The following ISX variants were observed in gnomAD, a reference collection of about 807,000 sequenced individuals.
ISX encodes the protein intestine specific homeobox, also known as intestine-specific homeobox.
Under a neutral mutation model 16.9 loss-of-function variants are expected in ISX, and 15 were observed. That is an observed-to-expected ratio of 0.89 (90% CI 0.59 to 1.36). ISX has a LOEUF of 1.36. Ranked by LOEUF, ISX falls within the 40% of genes most tolerant of loss-of-function variation. The pLI, the probability that ISX is intolerant of heterozygous loss-of-function variation, is 0.00. For missense variants in ISX, 316 were observed against 306.1 expected (o/e 1.03, Z -0.24); for synonymous variants, 125 against 119.7 (o/e 1.04, Z -0.29).
intron 2 of ISX, among the ~76,000 whole-genome samples, chr22:35,075,306 G>A (rs1181921032): frequency 2.0e-5 from 3 of 152,222 alleles, no homozygotes; most frequent in Admixed American, 1.3e-4. Flanking sequence ...AATTCATGGA[G>A]CATAGTCACA....
chr22:35,068,810 A>G (rs1343253810), intron 2 of ISX, among the ~76,000 whole-genome samples: 1 of 152,190 alleles, frequency 6.6e-6, no homozygotes, highest in Non-Finnish European at 1.5e-5. Flanking sequence ...TATTCCTTCC[A>G]CAGCACTTTT....
chr22:35,074,083 A>G (rs1928921436), intron 2 of ISX, among the ~76,000 whole-genome samples: 1 of 152,250 alleles, frequency 6.6e-6, no homozygotes. Context: ...CAATAATGTC[A>G]TCAAGTCTCT....
intron 2 of ISX, among the ~76,000 whole-genome samples, chr22:35,068,700 G>A (rs994502440): frequency 1.3e-5 from 2 of 152,110 alleles, no homozygotes; most frequent in African/African-American, 2.4e-5. Context: ...AGGCCTCCAC[G>A]GAAGATTCTG....
At chr22:35,084,867 G>A (rs1234288557) in intron 4 of ISX, among the ~76,000 whole-genome samples, 1 of 152,126 alleles carries the variant, frequency 6.6e-6, no homozygotes, top group Non-Finnish European at 1.5e-5. Context: ...CTGAGGAGTG[G>A]CTTGGAAGAG....
At chr22:35,085,011 T>C (rs930663971) in intron 4 of ISX, among the ~76,000 whole-genome samples, 25 of 152,158 alleles carry the variant, frequency 1.6e-4, no homozygotes, top group African/African-American at 6.0e-4. Context: ...CACGTATTTT[T>C]GAGTGGGCAC....
intron 4 of ISX, among the ~76,000 whole-genome samples, chr22:35,085,219 A>G (rs930954377): frequency 2.0e-5 from 3 of 152,168 alleles, no homozygotes; most frequent in African/African-American, 7.2e-5. Context: ...CCAGGACTCA[A>G]GCCAGGTTTT....
At chr22:35,070,794 A>G (rs997850039) in intron 2 of ISX, among the ~76,000 whole-genome samples, 1 of 152,242 alleles carries the variant, frequency 6.6e-6, no homozygotes, top group African/African-American at 2.4e-5. Flanking sequence ...GGGGCATGGT[A>G]GAATTCTTGG....
At chr22:35,078,798 G>C (rs536197871) in intron 2 of ISX, among the ~76,000 whole-genome samples, 21 of 152,328 alleles carry the variant, frequency 1.4e-4, no homozygotes, top group African/African-American at 4.8e-4. Flanking sequence ...AATCTCACTA[G>C]CCCTGTCCCT....
At chr22:35,079,741 G>A (rs1188416901) in intron 2 of ISX, among the ~76,000 whole-genome samples, 1 of 152,146 alleles carries the variant, frequency 6.6e-6, no homozygotes, top group Non-Finnish European at 1.5e-5. Context: ...ATTCCACTGG[G>A]CCCCAAAAGT....
intron 2 of ISX, among the ~76,000 whole-genome samples, chr22:35,071,382 A>G (rs1928849507): frequency 6.6e-6 from 1 of 152,230 alleles, no homozygotes; most frequent in Non-Finnish European, 1.5e-5. Flanking sequence ...AAATCCAGGT[A>G]TTGGCAGAGA....
chr22:35,071,181 C>T (rs1928844778), intron 2 of ISX, among the ~76,000 whole-genome samples: 1 of 152,178 alleles, frequency 6.6e-6, no homozygotes, highest in Admixed American at 6.5e-5. Context: ...AATTCCAAAC[C>T]TTTCTTGCCC....
intron 1 of ISX, 123 bp downstream of exon 1, chr22:35,066,585 C>T (rs1168062387): frequency 6.2e-6 from 1 of 161,406 alleles, no homozygotes; most frequent in Non-Finnish European, 1.4e-5. Context: ...GGTGGCACTC[C>T]AACCTCCTCC....
intron 2 of ISX, among the ~76,000 whole-genome samples, chr22:35,070,455 A>G (rs1928819167): frequency 6.6e-6 from 1 of 152,236 alleles, no homozygotes; most frequent in Non-Finnish European, 1.5e-5. Flanking sequence ...CATCTCTACC[A>G]CTGATAATCC....
chr22:35,071,289 G>A (rs1928847467), intron 2 of ISX, among the ~76,000 whole-genome samples: 1 of 152,046 alleles, frequency 6.6e-6, no homozygotes, highest in South Asian at 2.1e-4. Flanking sequence ...AATTTTCTAT[G>A]GCTGTTGTAA....
At chr22:35,070,106 G>A (rs928100117) in intron 2 of ISX, among the ~76,000 whole-genome samples, 7 of 152,138 alleles carry the variant, frequency 4.6e-5, no homozygotes, top group African/African-American at 7.2e-5. Flanking sequence ...CAAGAGATGG[G>A]GCCAGGCTAG....
chr22:35,067,658 C>G (rs1032171021), intron 2 of ISX, among the ~76,000 whole-genome samples: 1 of 152,198 alleles, frequency 6.6e-6, no homozygotes, highest in East Asian at 1.9e-4. Context: ...ATTATCATAA[C>G]TGGACAGATA....
At chr22:35,075,038 A>G (rs368414555) in intron 2 of ISX, among the ~76,000 whole-genome samples, 4 of 152,232 alleles carry the variant, frequency 2.6e-5, no homozygotes, top group African/African-American at 7.2e-5. Context: ...ACCTAAACGC[A>G]TTGTCATTAG....
At chr22:35,081,043 G>C (rs1929113586) in intron 2 of ISX, among the ~76,000 whole-genome samples, 1 of 152,230 alleles carries the variant, frequency 6.6e-6, no homozygotes, top group Non-Finnish European at 1.5e-5. Flanking sequence ...TAACAAAAAG[G>C]TAGATGAATG....
intron 2 of ISX, among the ~76,000 whole-genome samples, chr22:35,073,631 G>A (rs771227988): frequency 1.3e-5 from 2 of 152,158 alleles, no homozygotes; most frequent in African/African-American, 4.8e-5. Flanking sequence ...GGTCTGCCAC[G>A]GAGGTCAGAA....
Sources: gnomAD v4.1 joint callset for allele counts (sites outside exome capture counted in the v4.1 genomes callset) on GRCh38, gnomAD v4.1.1 for gene constraint, MANE v1.5 for transcripts, NCBI Gene and HGNC (gene_info 2026-07-23, HGNC 2026-07-21) for gene names.